Variants in CSGALNACT1 observed in about 807,000 individuals in gnomAD.
The protein encoded by CSGALNACT1 is beta4GalNAcT-1.
A neutral mutation model predicts 51.0 loss-of-function variants in CSGALNACT1; 52 were observed. The observed-to-expected ratio is 1.02, with a 90% CI of 0.82 to 1.29. CSGALNACT1 has a LOEUF of 1.29. Ranked by LOEUF, CSGALNACT1 falls within the 50% of genes most tolerant of loss-of-function variation. The pLI, the probability that CSGALNACT1 is intolerant of heterozygous loss-of-function variation, is 0.00. For synonymous variants in CSGALNACT1, 341 were observed against 254.4 expected, an observed-to-expected ratio of 1.34 and a Z score of -3.24; for missense variants, 935 against 679.2, an observed-to-expected ratio of 1.38 and a Z score of -4.19.
At chr8:19,596,589 G>T (rs1246105904) in intron 2 of CSGALNACT1, among the ~76,000 whole-genome samples, 3 of 147,808 alleles carry the variant, frequency 2.0e-5, no homozygotes, top group African/African-American at 5.0e-5. Flanking sequence ...GCCACAAATT[G>T]TAAGAAAAAA....
At chr8:19,658,986 C>G (rs2058535164) in intron 1 of CSGALNACT1, among the ~76,000 whole-genome samples, 1 of 152,126 alleles carries the variant, frequency 6.6e-6, no homozygotes. Flanking sequence ...GAATAACCAG[C>G]TTCATAAATG....
At chr8:19,564,749 C>T (rs1457864898) in intron 3 of CSGALNACT1, among the ~76,000 whole-genome samples, 1 of 152,192 alleles carries the variant, frequency 6.6e-6, no homozygotes, top group Non-Finnish European at 1.5e-5. Context: ...ACATTTCATT[C>T]TAATTCTCTG....
intron 3 of CSGALNACT1, among the ~76,000 whole-genome samples, chr8:19,534,844 T>C (rs2083443120): frequency 6.6e-6 from 1 of 151,922 alleles, no homozygotes; most frequent in South Asian, 2.1e-4. Flanking sequence ...TTTCTTCAAG[T>C]CAAGTGGGGA....
In CSGALNACT1 at chr8:19,598,517, T is replaced by C. The variant is rs991310306; in HGVS notation, c.-416+3254A>G. ...TTTCAAATAGGAGCAACTTGCCCAG[T>C]TAGTACATTAGAGTTTTATATTATT... On this transcript the variant is annotated intron_variant, in intron 2 of 9. Transcript: ENST00000454498. Among the ~76,000 whole-genome samples, 6 of 152,226 alleles carry C rather than the reference T, an allele frequency of 3.9e-5. No individual in the cohort carries two copies. The East Asian group carries it at 1.2e-3, about 29-fold the overall frequency.
At chr8:19,539,655 C>T (rs138375078) in intron 3 of CSGALNACT1, among the ~76,000 whole-genome samples, 320 of 152,322 alleles carry the variant, frequency 2.1e-3, no homozygotes, top group African/African-American at 7.6e-3. Context: ...CTACTAAATA[C>T]TGCACTGTCA....
chr8:19,553,880 C>G (rs763032192), intron 3 of CSGALNACT1, among the ~76,000 whole-genome samples: 24 of 148,038 alleles, frequency 1.6e-4, no homozygotes, highest in Non-Finnish European at 3.1e-4. Flanking sequence ...AAAATAATCA[C>G]CGAACAAGAA....
intron 5 of CSGALNACT1, chr8:19,457,545 G>T: frequency 1.8e-6 from 1 of 546,056 alleles, no homozygotes; most frequent in Non-Finnish European, 3.2e-6. Flanking sequence ...CCTGGGAGGT[G>T]AAGGTTGCAG....
chr8:19,519,925 A>G (rs1353851376), intron 3 of CSGALNACT1, among the ~76,000 whole-genome samples: 1 of 152,176 alleles, frequency 6.6e-6, no homozygotes, highest in Non-Finnish European at 1.5e-5. Context: ...CACAGTCCCC[A>G]AGGAAGGATA....
At chr8:19,689,952 CAG>C (rs2061206423) in intron 1 of CSGALNACT1, among the ~76,000 whole-genome samples, 1 of 152,224 alleles carries the variant, frequency 6.6e-6, no homozygotes, top group Non-Finnish European at 1.5e-5. Flanking sequence ...ATGCCTGATC[CAG>C]AGTCCCTTTT....
chr8:19,669,129 C>G (rs1319984102), intron 1 of CSGALNACT1, among the ~76,000 whole-genome samples: 1 of 152,174 alleles, frequency 6.6e-6, no homozygotes, highest in African/African-American at 2.4e-5. Context: ...GTATGTTGAT[C>G]ATTTGCTATT....
chr8:19,696,334 C>T (rs886417135), intron 1 of CSGALNACT1, among the ~76,000 whole-genome samples: 5 of 152,142 alleles, frequency 3.3e-5, no homozygotes, highest in Non-Finnish European at 5.9e-5. Context: ...GTCATGCAAA[C>T]AACTGAAAAC....
At chr8:19,663,771 A>T (rs1008752165) in intron 1 of CSGALNACT1, among the ~76,000 whole-genome samples, 1 of 152,272 alleles carries the variant, frequency 6.6e-6, no homozygotes, top group Non-Finnish European at 1.5e-5. Flanking sequence ...GTTTCAATTC[A>T]TCAAGAAGGA....
At chr8:19,450,766 T>C (rs975851532) in intron 5 of CSGALNACT1, among the ~76,000 whole-genome samples, 3 of 151,930 alleles carry the variant, frequency 2.0e-5, no homozygotes. Flanking sequence ...AAAATCTGGC[T>C]GGATGTGGTG....
intron 1 of CSGALNACT1, among the ~76,000 whole-genome samples, chr8:19,660,120 A>T (rs2058633972): frequency 6.6e-6 from 1 of 152,208 alleles, no homozygotes; most frequent in Admixed American, 6.5e-5. Flanking sequence ...CTTAATGGTC[A>T]ATCTGTGGGG....
intron 3 of CSGALNACT1, among the ~76,000 whole-genome samples, chr8:19,589,386 C>A (rs1322536827): frequency 6.6e-6 from 1 of 152,212 alleles, no homozygotes; most frequent in African/African-American, 2.4e-5. Flanking sequence ...AGTGCACTGG[C>A]ACGATCTTAG....
intron 3 of CSGALNACT1, among the ~76,000 whole-genome samples, chr8:19,574,692 T>C (rs2043765432): frequency 6.6e-6 from 1 of 152,078 alleles, no homozygotes; most frequent in Non-Finnish European, 1.5e-5. Context: ...CTACTGCCAT[T>C]CCACAAGGTT....
rs180704755 is a variant in CSGALNACT1 at position 19,553,398 on chromosome 8, G to T, written c.-297+37762C>A. On this transcript the variant is annotated intron_variant, in intron 3 of 9. Transcript: ENST00000454498. ...TGAACCAAAATTTCACTAAATGCCTGTGAGTGGGGAATCAGTACCTGATAA... is the reference window on the plus strand; with the variant it reads ...TGAACCAAAATTTCACTAAATGCCTTTGAGTGGGGAATCAGTACCTGATAA... Among the ~76,000 whole-genome samples the T allele has an allele frequency of 2.4e-3, 367 of 152,046 alleles. 9 individuals carry two copies. The highest frequency in any genetic ancestry group is 0.022 in the Admixed American group (328 of 15,254).
chr8:19,597,502 C>T (rs990349725), intron 2 of CSGALNACT1, among the ~76,000 whole-genome samples: 1 of 151,918 alleles, frequency 6.6e-6, no homozygotes, highest in Non-Finnish European at 1.5e-5. Context: ...GGGGTCTTCT[C>T]ACTATGTTTC....
At chr8:19,618,571 G>A (rs1005413859) in intron 1 of CSGALNACT1, among the ~76,000 whole-genome samples, 3 of 131,388 alleles carry the variant, frequency 2.3e-5, no homozygotes, top group Non-Finnish European at 3.1e-5. Flanking sequence ...ACCTGGAAGG[G>A]GAATGAGCCA....
Sources: allele counts gnomAD v4.1 joint callset (sites outside exome capture counted in the v4.1 genomes callset), GRCh38; gene constraint gnomAD v4.1.1; transcripts MANE v1.5; gene names NCBI Gene and HGNC (gene_info 2026-07-23, HGNC 2026-07-21).